RMDN1: variants seen among roughly 807,000 people sequenced by gnomAD.
RMDN1 encodes regulator of microtubule dynamics 1, also known as regulator of microtubule dynamics protein 1.
Under a neutral mutation model 48.9 loss-of-function variants are expected in RMDN1, and 48 were observed. The observed-to-expected ratio is 0.98, with a 90% CI of 0.78 to 1.25. The LOEUF (loss-of-function observed/expected upper bound fraction) is 1.25, where lower values mean the gene tolerates loss of function less well. Among genes scored for constraint, RMDN1 ranks in the 50% most tolerant of loss-of-function variants. The pLI, the probability that RMDN1 is intolerant of heterozygous loss-of-function variation, is 0.00. For missense variants in RMDN1, 418 were observed against 373.4 expected (o/e 1.12, Z -0.98); for synonymous variants, 148 against 132.6 (o/e 1.12, Z -0.80).
Position 86,474,048 on chromosome 8 carries a change from TAC to T in RMDN1, c.*258_*259del, listed in dbSNP as rs1812953000. On this transcript the variant is annotated 3_prime_UTR_variant, in exon 10 of 10. Transcript: ENST00000406452. ...ATGTGATCAATCCTTAGAAATCTCATACCATTTTGCATTGCTGGTATCCAGGA... is the reference window on the plus strand; with the variant it reads ...ATGTGATCAATCCTTAGAAATCTCATCATTTTGCATTGCTGGTATCCAGGA... 1 of 1,188,204 alleles carries T rather than the reference TAC, an allele frequency of 8.4e-7. No individual in the cohort carries two copies. Among genetic ancestry groups the T allele is most frequent in the Admixed American group, 4.1e-5 (1 of 24,394 alleles). 73.6% of individuals were successfully genotyped at this position (1,188,204 alleles called of 1,614,324 possible). A position where few individuals can be genotyped will look rare whatever the true frequency, so the allele number is the denominator to read the frequency against.
Position 86,472,375 on chromosome 8 carries a change from G to T in RMDN1, c.*1933C>A, listed in dbSNP as rs577609599. 39 of 700,072 alleles carry T rather than the reference G, an allele frequency of 5.6e-5. No homozygotes were observed. The highest frequency in any genetic ancestry group is 9.4e-5 in the Non-Finnish European group (36 of 384,192). The allele number at this position is 700,072 out of a possible 1,614,324, so 43.4% of individuals were successfully genotyped here. A position where few individuals can be genotyped will look rare whatever the true frequency, so the allele number is the denominator to read the frequency against. On this transcript the variant is annotated 3_prime_UTR_variant, in exon 10 of 10. Transcript: ENST00000406452. ...GCAGGTGCACAACACAGTTTATTCGGTCTCCCTAAAGGAAAAAACCCATTT... is the reference window on the plus strand; with the variant it reads ...GCAGGTGCACAACACAGTTTATTCGTTCTCCCTAAAGGAAAAAACCCATTT...
chr8:86,474,431 A>C, intron 9 of RMDN1, 73 bp from the exon 10 acceptor site: 1 of 1,294,110 alleles, frequency 7.7e-7, no homozygotes, highest in Non-Finnish European at 1.1e-6. Flanking sequence ...TAAGTTTATA[A>C]AGTGGGGTTT....
intron 2 of RMDN1, among the ~76,000 whole-genome samples, chr8:86,491,127 T>G (rs186214752): frequency 6.6e-6 from 1 of 151,710 alleles, no homozygotes; most frequent in Non-Finnish European, 1.5e-5. Flanking sequence ...AATATATATA[T>G]AAATTTATTT....
chr8:86,494,102 TAGAC>T (rs750156729), intron 2 of RMDN1, among the ~76,000 whole-genome samples: 2 of 152,116 alleles, frequency 1.3e-5, no homozygotes, highest in African/African-American at 2.4e-5. Context: ...AAGTTTCAGT[TAGAC>T]AGGAGGAATA....
Position 86,508,640 on chromosome 8 carries a change from G to A in RMDN1, c.-20C>T. Reference sequence around the variant, plus strand: ...CGCCATGACCTGCAACTTGCGGGCTGACCCTGCACTACTTCAGGCAGCTAC... The same window carrying A: ...CGCCATGACCTGCAACTTGCGGGCTAACCCTGCACTACTTCAGGCAGCTAC... On this transcript the variant is annotated 5_prime_UTR_variant, in exon 1 of 10. Coordinates refer to ENST00000406452, the MANE Select transcript of RMDN1 (RefSeq NM_016033.3). 6.3e-7 allele frequency: 1 copy of A among 1,589,094 alleles called. No individual in the cohort carries two copies. Among genetic ancestry groups the A allele is most frequent in the Non-Finnish European group, 8.6e-7 (1 of 1,167,618 alleles).
intron 2 of RMDN1, among the ~76,000 whole-genome samples, chr8:86,502,768 T>C (rs1274418444): frequency 1.3e-5 from 2 of 152,190 alleles, no homozygotes; most frequent in East Asian, 3.9e-4. Context: ...TAGCAAACTT[T>C]TTCTGTAAAG....
At chr8:86,489,509 TTTAA>T (rs1177534277) in intron 2 of RMDN1, among the ~76,000 whole-genome samples, 2 of 152,182 alleles carry the variant, frequency 1.3e-5, no homozygotes, top group Admixed American at 6.5e-5. Flanking sequence ...CTTGGTATAC[TTTAA>T]TTAATCACAG....
At chr8:86,493,421 C>G (rs1321784664) in intron 2 of RMDN1, among the ~76,000 whole-genome samples, 1 of 152,120 alleles carries the variant, frequency 6.6e-6, no homozygotes, top group African/African-American at 2.4e-5. Flanking sequence ...AGGAAACAAC[C>G]TAAGTGCCCG....
chr8:86,469,411 GC>G (rs1812366504), downstream of RMDN1, among the ~76,000 whole-genome samples: 1 of 152,144 alleles, frequency 6.6e-6, no homozygotes, highest in African/African-American at 2.4e-5. Context: ...GAAAGCCACA[GC>G]TTTGGGCATA....
intron 5 of RMDN1, chr8:86,481,665 G>T: frequency 2.8e-6 from 1 of 357,554 alleles, no homozygotes; most frequent in Non-Finnish European, 5.3e-6. Context: ...CCCAATGGAT[G>T]TAGGTTCCAA....
downstream of RMDN1, chr8:86,468,478 A>G: frequency 2.4e-6 from 1 of 425,082 alleles, no homozygotes; most frequent in Non-Finnish European, 4.6e-6. Flanking sequence ...TGATAGAGGG[A>G]AACTGGCCTT....
At chr8:86,495,015 C>A (rs1337530846) in intron 2 of RMDN1, 1 of 349,166 alleles carries the variant, frequency 2.9e-6, no homozygotes, top group South Asian at 2.2e-5. Flanking sequence ...TTTTTATGTC[C>A]TCAAGACACT....
upstream of RMDN1, among the ~76,000 whole-genome samples, chr8:86,510,948 A>G (rs997538758): frequency 2.2e-4 from 33 of 151,626 alleles, no homozygotes; most frequent in African/African-American, 6.8e-4. Context: ...ACACAGTGAG[A>G]CTCTGTCTCT....
At chr8:86,490,123 A>T (rs1264615530) in intron 2 of RMDN1, among the ~76,000 whole-genome samples, 2 of 152,142 alleles carry the variant, frequency 1.3e-5, no homozygotes, top group Non-Finnish European at 2.9e-5. Context: ...TTTTTATCGG[A>T]TACGTGGCTG....
intron 5 of RMDN1, among the ~76,000 whole-genome samples, chr8:86,481,578 T>C (rs1814455478): frequency 6.7e-6 from 1 of 149,214 alleles, no homozygotes; most frequent in Non-Finnish European, 1.5e-5. Flanking sequence ...TTTTTTTTTT[T>C]TTTGCCTTTG....
intron 2 of RMDN1, chr8:86,504,195 T>C: frequency 6.6e-7 from 1 of 1,526,348 alleles, no homozygotes; most frequent in Non-Finnish European, 9.1e-7. Flanking sequence ...CCCTTCCATT[T>C]TGCCCTGAAA....
At chr8:86,504,465 A>G in intron 2 of RMDN1, 1 of 1,556,130 alleles carries the variant, frequency 6.4e-7, no homozygotes, top group Non-Finnish European at 8.9e-7. Context: ...ACTCAACAGG[A>G]ATCTTCAAGG....
chr8:86,473,132 A>G lies in RMDN1; in HGVS notation c.*1176T>C. On this transcript the variant is annotated 3_prime_UTR_variant, in exon 10 of 10. Coordinates refer to ENST00000406452, the MANE Select transcript of RMDN1 (RefSeq NM_016033.3). ...CTGAATCTAAGAGATGGGTATACAA[A>G]GATCACTACTTTCAGTTTTCCTTTT... 1 of 985,400 alleles carries G rather than the reference A, an allele frequency of 1.0e-6. No homozygotes were observed. Among genetic ancestry groups the G allele is most frequent in the Non-Finnish European group, 1.2e-6 (1 of 829,888 alleles). The allele number at this position is 985,400 out of a possible 1,614,324, so 61.0% of individuals were successfully genotyped here.
At chr8:86,511,942 A>C (rs1563678085), upstream of RMDN1, among the ~76,000 whole-genome samples, 1 of 152,220 alleles carries the variant, frequency 6.6e-6, no homozygotes, top group Admixed American at 6.5e-5. Context: ...TATTTTGTGA[A>C]TATCTTTCAT....
Sources: allele counts gnomAD v4.1 joint callset (sites outside exome capture counted in the v4.1 genomes callset), GRCh38; gene constraint gnomAD v4.1.1; transcripts MANE v1.5; gene names NCBI Gene and HGNC (gene_info 2026-07-23, HGNC 2026-07-21).